The following MSH3 variants were observed in gnomAD, a reference collection of about 807,000 sequenced individuals.
The protein encoded by MSH3 is DNA mismatch repair protein Msh3.
Under a neutral mutation model 123.3 loss-of-function variants are expected in MSH3, and 106 were observed. That is an observed-to-expected ratio of 0.86 (90% CI 0.73 to 1.01). The LOEUF is 1.01. MSH3 is among the 50% of genes least tolerant of loss of function. MSH3 has a pLI of 0.00. For synonymous variants in MSH3, 515 were observed against 481.4 expected, an observed-to-expected ratio of 1.07 and a Z score of -0.91; for missense variants, 1,459 against 1,347.6, an observed-to-expected ratio of 1.08 and a Z score of -1.29.
At chr5:80,658,873 G>A (rs1490874317) in intron 2 of MSH3, among the ~76,000 whole-genome samples, 1 of 152,136 alleles carries the variant, frequency 6.6e-6, no homozygotes, top group African/African-American at 2.4e-5. Context: ...CTGGGACTGT[G>A]CTCCTGAGCC....
At chr5:80,821,259 ATCTT>A (rs1195286936) in intron 20 of MSH3, among the ~76,000 whole-genome samples, 3 of 152,162 alleles carry the variant, frequency 2.0e-5, no homozygotes, top group African/African-American at 7.2e-5. Flanking sequence ...TTCAGTATCT[ATCTT>A]AGTTCATAAC....
chr5:80,696,604 C>A (rs879624777), intron 8 of MSH3, among the ~76,000 whole-genome samples: 1 of 152,168 alleles, frequency 6.6e-6, no homozygotes, highest in African/African-American at 2.4e-5. Context: ...AGTTCACTAG[C>A]TGGTCTGCTT....
intron 12 of MSH3, among the ~76,000 whole-genome samples, chr5:80,749,661 A>G (rs1010274085): frequency 3.9e-5 from 6 of 152,328 alleles, no homozygotes; most frequent in Non-Finnish European, 5.9e-5. Flanking sequence ...ACATTATAGA[A>G]TGATCAAATC....
At position 80,801,624 on chromosome 5, in the gene MSH3, C is replaced by T. The variant is rs191335243; in HGVS notation, c.2655+8780C>T. On this transcript the variant is annotated intron_variant, in intron 19 of 23. Transcript: ENST00000265081. ...CAGTATCCCCAAGTCTGCCCAGGTT[C>T]ACCATGCACCACTTTTCCCAGGTAC... is the stretch of plus-strand genomic sequence containing the variant. Among the ~76,000 whole-genome samples, 25 of 152,318 alleles carry T rather than the reference C, an allele frequency of 1.6e-4. No homozygotes were observed. In the East Asian group the frequency reaches 4.8e-3, roughly 29 times the overall value.
chr5:80,733,044 A>G (rs73123307), intron 10 of MSH3, among the ~76,000 whole-genome samples: 18 of 152,072 alleles, frequency 1.2e-4, no homozygotes, highest in Non-Finnish European at 1.8e-4. Flanking sequence ...CATAGGATTC[A>G]TATCTCTGTT....
At chr5:80,741,225 C>G (rs1230589524) in intron 10 of MSH3, among the ~76,000 whole-genome samples, 1 of 151,928 alleles carries the variant, frequency 6.6e-6, no homozygotes, top group Non-Finnish European at 1.5e-5. Flanking sequence ...CTTCCCTTTC[C>G]TGTTCTTGTT....
chr5:80,857,762 A>G (rs955463105), intron 21 of MSH3, among the ~76,000 whole-genome samples: 1 of 152,018 alleles, frequency 6.6e-6, no homozygotes, highest in Non-Finnish European at 1.5e-5. Context: ...GATATTAGCC[A>G]TTTGTGTCTT....
At chr5:80,799,334 C>CT (rs1362696924) in intron 19 of MSH3, among the ~76,000 whole-genome samples, 1 of 152,038 alleles carries the variant, frequency 6.6e-6, no homozygotes, top group Non-Finnish European at 1.5e-5. Context: ...GGCTTTGACT[C>CT]AAGAGTCTCT....
rs1014915062 is a variant in MSH3 at position 80,875,936 on chromosome 5, A to C, written c.*74A>C. On this transcript the variant is annotated 3_prime_UTR_variant, in exon 24 of 24. Coordinates refer to ENST00000265081, the MANE Select transcript of MSH3 (RefSeq NM_002439.5). ...CTGTACAAAATAACTCTCCAGTAAC[A>C]GCCTATCTTTGTGTGACATGTGAGC... The C allele has an allele frequency of 1.1e-6, 1 of 886,800 alleles. No homozygotes were observed. Among genetic ancestry groups the C allele is most frequent in the Non-Finnish European group, 1.9e-6 (1 of 536,460 alleles). 54.9% of individuals were successfully genotyped at this position (886,800 alleles called of 1,614,324 possible). A position where few individuals can be genotyped will look rare whatever the true frequency, so the allele number is the denominator to read the frequency against.
chr5:80,738,351 T>G (rs1743551429), intron 10 of MSH3, among the ~76,000 whole-genome samples: 1 of 152,228 alleles, frequency 6.6e-6, no homozygotes, highest in African/African-American at 2.4e-5. Context: ...TCTATGAAAT[T>G]ACAATTCTGT....
chr5:80,741,809 A>G (rs1458901248), intron 11 of MSH3, among the ~76,000 whole-genome samples: 1 of 144,072 alleles, frequency 6.9e-6, no homozygotes, highest in Non-Finnish European at 1.6e-5. Flanking sequence ...TCATTTCTAT[A>G]TCATGTAGTT....
At chr5:80,777,329 A>G (rs982845227) in intron 16 of MSH3, among the ~76,000 whole-genome samples, 3 of 150,644 alleles carry the variant, frequency 2.0e-5, no homozygotes, top group African/African-American at 4.9e-5. Context: ...AGATTTGAGT[A>G]TTGTTGATTC....
intron 20 of MSH3, among the ~76,000 whole-genome samples, chr5:80,848,622 T>C (rs1358218289): frequency 3.3e-5 from 5 of 152,194 alleles, no homozygotes; most frequent in African/African-American, 9.7e-5. Context: ...GGTAAAGATA[T>C]TGTGCAGGGA....
intron 12 of MSH3, among the ~76,000 whole-genome samples, chr5:80,755,937 G>T (rs148389946): frequency 6.6e-6 from 1 of 152,042 alleles, no homozygotes; most frequent in African/African-American, 2.4e-5. Flanking sequence ...TAGATTTTCA[G>T]TTTCAATTTA....
intron 22 of MSH3, among the ~76,000 whole-genome samples, chr5:80,869,841 T>TACAC (rs35006113): frequency 0.14 from 18,960 of 132,386 alleles, 1,604 homozygotes; most frequent in East Asian, 0.3. Context: ...TACATATATA[T>TACAC]ACACACACAC....
At chr5:80,860,223 C>T (rs1231300910) in intron 21 of MSH3, among the ~76,000 whole-genome samples, 1 of 152,118 alleles carries the variant, frequency 6.6e-6, no homozygotes, top group Non-Finnish European at 1.5e-5. Flanking sequence ...TTTTCGCCTT[C>T]ACTGGTTCCT....
rs937588792 is a variant in MSH3, at chr5:80,792,888, A to G, written c.2655+44A>G. 6 of 1,224,812 alleles carry G rather than the reference A, an allele frequency of 4.9e-6. No individual in the cohort carries two copies. In the East Asian group the frequency reaches 1.2e-4, roughly 24 times the overall value. The allele number at this position is 1,224,812 out of a possible 1,614,324, so 75.9% of individuals were successfully genotyped here. ...AAAATAAGTCGATGATAACATCCCA[A>G]ACTTTTACATACCAAAGAAACATTT... On this transcript the variant is annotated intron_variant, in intron 19 of 23. Transcript: ENST00000265081.
At chr5:80,780,253 C>T (rs1744386405) in intron 17 of MSH3, among the ~76,000 whole-genome samples, 1 of 152,170 alleles carries the variant, frequency 6.6e-6, no homozygotes, top group Non-Finnish European at 1.5e-5. Flanking sequence ...TGTCAAGCTA[C>T]CACTGGACTG....
chr5:80,789,360 T>G (rs1181163980), intron 18 of MSH3, among the ~76,000 whole-genome samples: 1 of 150,900 alleles, frequency 6.6e-6, no homozygotes, highest in Non-Finnish European at 1.5e-5. Flanking sequence ...CAGAAGACAC[T>G]GTAGTCACTT....
Sources: gnomAD v4.1 joint callset for allele counts (sites outside exome capture counted in the v4.1 genomes callset) on GRCh38, gnomAD v4.1.1 for gene constraint, MANE v1.5 for transcripts, NCBI Gene and HGNC (gene_info 2026-07-23, HGNC 2026-07-21) for gene names.